VWC2: variants seen among roughly 807,000 people sequenced by gnomAD.
The protein encoded by VWC2 is brorin.
Under a neutral mutation model 29.8 loss-of-function variants are expected in VWC2, and 14 were observed. The observed-to-expected ratio is 0.47, with a 90% confidence interval of 0.31 to 0.74. The LOEUF (loss-of-function observed/expected upper bound fraction) is 0.74. Among genes scored for constraint, VWC2 ranks in the 30% least tolerant of loss-of-function variants. VWC2 has a pLI of 0.05. For missense variants in VWC2, 457 were observed against 459.8 expected (o/e 0.99, Z 0.05); for synonymous variants, 213 against 199.0 (o/e 1.07, Z -0.59).
intron 3 of VWC2, among the ~76,000 whole-genome samples, chr7:49,908,858 TAA>T (rs1467868682): frequency 3.3e-5 from 5 of 152,198 alleles, no homozygotes; most frequent in African/African-American, 1.2e-4. Context: ...TCAAAAAGAA[TAA>T]AGACTTCAAT....
At chr7:49,798,988 G>A (rs1010766297) in intron 2 of VWC2, among the ~76,000 whole-genome samples, 1 of 152,238 alleles carries the variant, frequency 6.6e-6, no homozygotes, top group Admixed American at 6.5e-5. Context: ...ATGTGAGCCA[G>A]CGAGACAGGA....
At chr7:49,812,170 C>T (rs555620594) in intron 3 of VWC2, among the ~76,000 whole-genome samples, 34 of 152,124 alleles carry the variant, frequency 2.2e-4, no homozygotes, top group African/African-American at 7.7e-4. Flanking sequence ...GGAGATTAGT[C>T]GCAAATCATC....
chr7:49,901,967 A>T (rs1274982068), intron 3 of VWC2, among the ~76,000 whole-genome samples: 1 of 147,634 alleles, frequency 6.8e-6, no homozygotes, highest in African/African-American at 2.7e-5. Flanking sequence ...ATGGTACTGG[A>T]ACAACTGAGC....
intron 2 of VWC2, among the ~76,000 whole-genome samples, chr7:49,790,203 G>A (rs73347659): frequency 0.014 from 2,138 of 152,332 alleles, 40 homozygotes; most frequent in African/African-American, 0.049. Context: ...TTATTCAGGA[G>A]AGGATTTAAA....
At chr7:49,831,119 T>C (rs1308506245) in intron 3 of VWC2, among the ~76,000 whole-genome samples, 1 of 152,184 alleles carries the variant, frequency 6.6e-6, no homozygotes, top group South Asian at 2.1e-4. Flanking sequence ...TGGCTTTGGC[T>C]GAAGAAGTGA....
At chr7:49,874,523 G>A (rs1055552879) in intron 3 of VWC2, among the ~76,000 whole-genome samples, 5 of 150,522 alleles carry the variant, frequency 3.3e-5, no homozygotes, top group South Asian at 4.2e-4. Flanking sequence ...ATGTATCCTC[G>A]TTGTTACATG....
rs146034035 is a variant in VWC2 at position 49,853,692 on chromosome 7, T to C, written c.826+50852T>C. Among the ~76,000 whole-genome samples, 630 of 152,264 alleles carry C rather than the reference T, an allele frequency of 4.1e-3. 4 individuals are homozygous for C. The highest frequency in any genetic ancestry group is 0.014 in the African/African-American group (572 of 41,560). ...CATTTATTATTGCATCCTTTTTCTT[T>C]AGGAGCATTAAAAACATTTAATTTT... is the stretch of plus-strand genomic sequence containing the variant. On this transcript the variant is annotated intron_variant, in intron 3 of 3. Transcript: ENST00000340652.
intron 3 of VWC2, among the ~76,000 whole-genome samples, chr7:49,873,386 A>G (rs1282626004): frequency 1.3e-5 from 2 of 152,156 alleles, no homozygotes; most frequent in Non-Finnish European, 2.9e-5. Flanking sequence ...GGCCTCTTTC[A>G]TAATGGCACT....
chr7:49,911,446 C>T (rs1481165879), intron 3 of VWC2, among the ~76,000 whole-genome samples: 7 of 128,908 alleles, frequency 5.4e-5, no homozygotes, highest in African/African-American at 1.5e-4. Flanking sequence ...CGTGCCACTG[C>T]ACTCCAGCCT....
chr7:49,869,166 G>A (rs988916930), intron 3 of VWC2, among the ~76,000 whole-genome samples: 1 of 152,022 alleles, frequency 6.6e-6, no homozygotes, highest in Non-Finnish European at 1.5e-5. Context: ...AAGGTTGAGG[G>A]CACAAATATG....
chr7:49,843,371 A>G lies in VWC2; in HGVS notation c.826+40531A>G, dbSNP rs147636724. Among the ~76,000 whole-genome samples the G allele has an allele frequency of 1.8e-3, 279 of 152,320 alleles. 1 individual carries two copies. The highest frequency in any genetic ancestry group is 6.5e-3 in the African/African-American group (269 of 41,582). On this transcript the variant is annotated intron_variant, in intron 3 of 3. Transcript: ENST00000340652. ...AAAATCTCCCAAGCGAAGAGGAGAC[A>G]CAGCTCAGTGAGGCCCATGGACGTA...
intron 2 of VWC2, among the ~76,000 whole-genome samples, chr7:49,784,621 A>G (rs976756668): frequency 6.6e-6 from 1 of 152,200 alleles, no homozygotes; most frequent in Admixed American, 6.5e-5. Context: ...ACATCTTTCA[A>G]TGGGCCTTGG....
intron 3 of VWC2, among the ~76,000 whole-genome samples, chr7:49,897,458 T>C (rs1241916282): frequency 6.6e-6 from 1 of 152,240 alleles, no homozygotes. Flanking sequence ...AAGGGGAGTT[T>C]ATTCCAGATA....
At chr7:49,868,906 A>C (rs1791021185) in intron 3 of VWC2, among the ~76,000 whole-genome samples, 1 of 152,278 alleles carries the variant, frequency 6.6e-6, no homozygotes, top group Non-Finnish European at 1.5e-5. Flanking sequence ...GGCATGAGCC[A>C]CTGCACCTGG....
chr7:49,904,491 T>C (rs1381081335), intron 3 of VWC2, among the ~76,000 whole-genome samples: 1 of 152,206 alleles, frequency 6.6e-6, no homozygotes, highest in Non-Finnish European at 1.5e-5. Flanking sequence ...TAGAGGGACT[T>C]GGTTGAAACA....
chr7:49,780,926 A>G (rs1372146150), intron 2 of VWC2, among the ~76,000 whole-genome samples: 3 of 152,230 alleles, frequency 2.0e-5, no homozygotes, highest in African/African-American at 7.2e-5. Context: ...AAATTTGAAC[A>G]TGAAATTTGG....
At chr7:49,785,553 A>T (rs1788276995) in intron 2 of VWC2, among the ~76,000 whole-genome samples, 1 of 152,222 alleles carries the variant, frequency 6.6e-6, no homozygotes, top group South Asian at 2.1e-4. Flanking sequence ...CTAAAGAAAG[A>T]TAAATAAAAA....
chr7:49,917,296 C>A lies in VWC2; in HGVS notation c.*5111C>A, dbSNP rs1793773599. On this transcript the variant is annotated 3_prime_UTR_variant, in exon 4 of 4. Transcript: ENST00000340652. ...TTTTGCAAAGCACCTGCTATTCTAGCCTTAACACAAAGATTTGGCTAATTT... is the reference window on the plus strand; with the variant it reads ...TTTTGCAAAGCACCTGCTATTCTAGACTTAACACAAAGATTTGGCTAATTT... 6.6e-6 allele frequency: 1 copy of A among 152,112 alleles called. No individual in the cohort carries two copies. The highest frequency in any genetic ancestry group is 1.5e-5 in the Non-Finnish European group (1 of 68,010). 9.4% of individuals were successfully genotyped at this position (152,112 alleles called of 1,614,324 possible).
intron 3 of VWC2, among the ~76,000 whole-genome samples, chr7:49,902,356 A>G (rs750282910): frequency 6.6e-6 from 1 of 152,088 alleles, no homozygotes; most frequent in Non-Finnish European, 1.5e-5. Context: ...ATTCCACCCC[A>G]TTTAAAATCT....
Sources: gnomAD v4.1 joint callset for allele counts (sites outside exome capture counted in the v4.1 genomes callset) on GRCh38, gnomAD v4.1.1 for gene constraint, MANE v1.5 for transcripts, NCBI Gene and HGNC (gene_info 2026-07-23, HGNC 2026-07-21) for gene names.